SNX25: variants seen among roughly 807,000 people sequenced by gnomAD.
The protein encoded by SNX25 is sorting nexin 25.
In SNX25, 62 loss-of-function variants were observed where a neutral mutation model predicts 113.7. That is an observed-to-expected ratio of 0.55 (90% CI 0.44 to 0.67). SNX25 has a LOEUF of 0.67. Ranked by LOEUF, SNX25 falls within the 30% of genes least tolerant of loss-of-function variation. SNX25 has a pLI of 0.00. For synonymous variants in SNX25, 421 were observed against 436.2 expected (o/e 0.97, Z 0.43); for missense variants, 1,014 against 1,161.0 (o/e 0.87, Z 1.84).
intron 8 of SNX25, 149 bp from the exon 9 acceptor site, chr4:185,323,379 C>A: frequency 1.5e-6 from 1 of 669,082 alleles, no homozygotes; most frequent in Non-Finnish European, 2.5e-6. Flanking sequence ...ACATTTGCTC[C>A]TTGACCCTGA....
intron 5 of SNX25, among the ~76,000 whole-genome samples, chr4:185,279,133 A>G (rs1243909706): frequency 6.6e-6 from 1 of 151,202 alleles, no homozygotes; most frequent in Non-Finnish European, 1.5e-5. Flanking sequence ...TATTTTTATA[A>G]TTATATACAT....
chr4:185,377,133 T>C, the SNX25 span: 9 of 771,566 alleles, frequency 1.2e-5, no homozygotes, highest in Non-Finnish European at 2.0e-5. Flanking sequence ...TTTCTAGTGC[T>C]CATTCCTACA....
At chr4:185,336,041 T>G (rs2095227893) in intron 10 of SNX25, among the ~76,000 whole-genome samples, 1 of 152,216 alleles carries the variant, frequency 6.6e-6, no homozygotes, top group Non-Finnish European at 1.5e-5. Context: ...CAGAGTTACA[T>G]AACCCTATAG....
At position 185,299,968 on chromosome 4, in the gene SNX25, G is replaced by A. The variant is rs1022380615; in HGVS notation, c.1163-10667G>A. ...ATACACTCAGGGTACAGATGAGGAG[G>A]TTTCGCCTTTTTATTCATTTTTAAA... On this transcript the variant is annotated intron_variant, in intron 6 of 18. Coordinates refer to ENST00000652585, the MANE Select transcript of SNX25 (RefSeq NM_001378034.2). 3.3e-5 allele frequency among the ~76,000 whole-genome samples: 5 copies of A among 152,140 alleles called. No individual in the cohort carries two copies. The South Asian group carries it at 1.0e-3, about 32-fold the overall frequency.
chr4:185,331,311 T>G (rs1561021804), intron 9 of SNX25, among the ~76,000 whole-genome samples: 1 of 152,224 alleles, frequency 6.6e-6, no homozygotes, highest in Non-Finnish European at 1.5e-5. Context: ...CTCAATGCCA[T>G]TGTTATTCTA....
intron 18 of SNX25, 61 bp downstream of exon 18, chr4:185,362,772 C>A: frequency 2.2e-6 from 3 of 1,334,444 alleles, no homozygotes; most frequent in South Asian, 2.4e-5. Context: ...TTCGTTTGGT[C>A]AGAAAAAACA....
chr4:185,376,971 C>G, the SNX25 span: 1 of 1,614,042 alleles, frequency 6.2e-7, no homozygotes. Context: ...AGTATTCTTT[C>G]CTTCAAGAGC....
chr4:185,351,378 T>A, intron 13 of SNX25, 67 bp from the exon 14 acceptor site: 7 of 1,540,760 alleles, frequency 4.5e-6, no homozygotes, highest in Non-Finnish European at 6.2e-6. Flanking sequence ...CGCTCACCTT[T>A]ACTTGTAGCT....
At chr4:185,281,722 T>A (rs932306399) in intron 5 of SNX25, among the ~76,000 whole-genome samples, 1 of 152,210 alleles carries the variant, frequency 6.6e-6, no homozygotes, top group Admixed American at 6.5e-5. Flanking sequence ...AACATTCTTA[T>A]AAAATTCTTT....
At chr4:185,205,196 C>T (rs1462874807), upstream of SNX25, among the ~76,000 whole-genome samples, 2 of 152,190 alleles carry the variant, frequency 1.3e-5, no homozygotes, top group African/African-American at 4.8e-5. Flanking sequence ...TGGCTCACCC[C>T]TGTAATCCCA....
At chr4:185,327,206 G>A (rs2095162853) in intron 9 of SNX25, among the ~76,000 whole-genome samples, 2 of 152,154 alleles carry the variant, frequency 1.3e-5, no homozygotes, top group South Asian at 2.1e-4. Context: ...TTTTAATTAT[G>A]TACTAGGTGG....
intron 15 of SNX25, among the ~76,000 whole-genome samples, chr4:185,356,875 C>T (rs934476772): frequency 6.6e-6 from 1 of 152,134 alleles, no homozygotes; most frequent in Non-Finnish European, 1.5e-5. Context: ...CCTAAAATAT[C>T]CTCATAGCAT....
chr4:185,239,349 G>C (rs1018441209), intron 1 of SNX25, among the ~76,000 whole-genome samples: 2 of 152,090 alleles, frequency 1.3e-5, no homozygotes, highest in African/African-American at 2.4e-5. Context: ...CGGGCGTGGT[G>C]GTGGGCACCT....
At chr4:185,323,334 A>C (rs1057462983) in intron 8 of SNX25, among the ~76,000 whole-genome samples, 194 bp from the exon 9 acceptor site, 1 of 151,942 alleles carries the variant, frequency 6.6e-6, no homozygotes, top group Non-Finnish European at 1.5e-5. Flanking sequence ...CAACATGTTC[A>C]TTTAAAGAAT....
intron 5 of SNX25, among the ~76,000 whole-genome samples, chr4:185,284,849 G>A (rs1290279156): frequency 1.3e-5 from 2 of 152,152 alleles, no homozygotes; most frequent in African/African-American, 4.8e-5. Flanking sequence ...TGAAGGTAGT[G>A]TAAGCAAGAA....
upstream of SNX25, among the ~76,000 whole-genome samples, chr4:185,208,269 G>A (rs574485549): frequency 5.3e-5 from 8 of 152,070 alleles, no homozygotes; most frequent in African/African-American, 1.9e-4. Context: ...GCCCGCCTCA[G>A]CCTCCGAAAG....
At chr4:185,229,259 C>T (rs1162387238) in intron 1 of SNX25, among the ~76,000 whole-genome samples, 1 of 152,052 alleles carries the variant, frequency 6.6e-6, no homozygotes, top group Non-Finnish European at 1.5e-5. Context: ...GAGCCGAGGC[C>T]GGGAGGAAGC....
intron 5 of SNX25, among the ~76,000 whole-genome samples, chr4:185,267,421 A>G (rs545761776): frequency 9.9e-5 from 15 of 152,178 alleles, no homozygotes; most frequent in Admixed American, 8.5e-4. Context: ...CCCCCAGTCA[A>G]AAATCACATA....
downstream of SNX25, chr4:185,364,338 C>T (rs975654023): frequency 6.6e-6 from 1 of 152,136 alleles, no homozygotes; most frequent in African/African-American, 2.4e-5. Flanking sequence ...AGAGTACAGA[C>T]TTTGTGTTAT....
Sources: gnomAD v4.1 joint callset for allele counts (sites outside exome capture counted in the v4.1 genomes callset) on GRCh38, gnomAD v4.1.1 for gene constraint, MANE v1.5 for transcripts, NCBI Gene and HGNC (gene_info 2026-07-23, HGNC 2026-07-21) for gene names.